HSD17B12: variants seen among roughly 807,000 people sequenced by gnomAD.
The protein encoded by HSD17B12 is hydroxysteroid 17-beta dehydrogenase 12.
HSD17B12 carries 32 observed loss-of-function variants against 39.3 expected under a neutral mutation model. That is an observed-to-expected ratio of 0.81 (90% CI 0.61 to 1.09). The LOEUF (loss-of-function observed/expected upper bound fraction) is 1.09, where lower values mean the gene tolerates loss of function less well. Among genes scored for constraint, HSD17B12 ranks in the 50% least tolerant of loss-of-function variants. HSD17B12 has a pLI of 0.00. For missense variants in HSD17B12, 342 were observed against 382.9 expected (o/e 0.89, Z 0.89); for synonymous variants, 150 against 146.7 (o/e 1.02, Z -0.16).
At chr11:43,680,198 C>T (rs937556857), upstream of HSD17B12, among the ~76,000 whole-genome samples, 3 of 151,768 alleles carry the variant, frequency 2.0e-5, no homozygotes, top group Non-Finnish European at 4.4e-5. Flanking sequence ...CTCAGCCTCC[C>T]GAGTAGCTGA....
At chr11:43,701,756 G>A (rs1949967067) in intron 1 of HSD17B12, among the ~76,000 whole-genome samples, 1 of 152,142 alleles carries the variant, frequency 6.6e-6, no homozygotes, top group Non-Finnish European at 1.5e-5. Flanking sequence ...TTGATGTCAG[G>A]TAATGTGATT....
Position 43,791,308 on chromosome 11 carries a change from G to A in HSD17B12, c.284-7012G>A, listed in dbSNP as rs532580214. On this transcript the variant is annotated intron_variant, in intron 3 of 10. Coordinates refer to ENST00000278353, the MANE Select transcript of HSD17B12 (RefSeq NM_016142.3). ...GCACTTTGGGAGGTCAAGGCAGGCG[G>A]ATCACCTGAGGTCAGGAGTTCGAGA... Among the ~76,000 whole-genome samples, 12 of 152,254 alleles carry A rather than the reference G, an allele frequency of 7.9e-5. No individual in the cohort carries two copies. In the East Asian group the frequency reaches 2.3e-3, roughly 29 times the overall value.
At chr11:43,564,898 CT>C in the HSD17B12 span, among the ~76,000 whole-genome samples, 2,982 of 140,540 alleles carry the variant, frequency 0.021, 88 homozygotes, top group African/African-American at 0.068. Context: ...CTTTCTTCTT[CT>C]TTTTTTTTTT....
chr11:43,646,508 T>C, the HSD17B12 span: 1 of 152,238 alleles, frequency 6.6e-6, no homozygotes, highest in Non-Finnish European at 1.5e-5. Flanking sequence ...TCATTTAGAA[T>C]GAACCACAGC....
Position 43,718,759 on chromosome 11 carries a change from G to T in HSD17B12, c.161-32152G>T, listed in dbSNP as rs1005905999. On this transcript the variant is annotated intron_variant, in intron 1 of 10. Coordinates refer to ENST00000278353, the MANE Select transcript of HSD17B12 (RefSeq NM_016142.3). ...AGGCTTTAAAGGCCAAGAAGGCAGTGTTGAAAGGTGTTCACAGCCACAAAA... is the reference window on the plus strand; with the variant it reads ...AGGCTTTAAAGGCCAAGAAGGCAGTTTTGAAAGGTGTTCACAGCCACAAAA... 45 of 1,260,454 alleles carry T rather than the reference G, an allele frequency of 3.6e-5. No homozygotes were observed. In the African/African-American group the frequency reaches 6.1e-4, roughly 17 times the overall value. The allele number at this position is 1,260,454 out of a possible 1,614,324, so 78.1% of individuals were successfully genotyped here. A position where few individuals can be genotyped will look rare whatever the true frequency, so the allele number is the denominator to read the frequency against.
chr11:43,655,458 G>A, the HSD17B12 span, among the ~76,000 whole-genome samples: 381 of 152,262 alleles, frequency 2.5e-3, no homozygotes, highest in Middle Eastern at 6.8e-3. Flanking sequence ...TAGGAGTGGT[G>A]AGAGAGGGCA....
chr11:43,720,650 T>C (rs1264750395), intron 1 of HSD17B12, among the ~76,000 whole-genome samples: 2 of 152,192 alleles, frequency 1.3e-5, no homozygotes, highest in Non-Finnish European at 2.9e-5. Context: ...ATTCCATCTC[T>C]TGATGGGAGG....
chr11:43,639,030 AAT>A, the HSD17B12 span, among the ~76,000 whole-genome samples: 2 of 152,208 alleles, frequency 1.3e-5, no homozygotes, highest in Non-Finnish European at 2.9e-5. Context: ...CCTGGAGAAA[AAT>A]AAGCCAACAG....
intron 4 of HSD17B12, among the ~76,000 whole-genome samples, chr11:43,810,015 CAT>C (rs1044218175): frequency 5.0e-4 from 76 of 152,182 alleles, no homozygotes; most frequent in African/African-American, 1.8e-3. Flanking sequence ...CATTAGGCAA[CAT>C]ATTTTTAAAC....
rs1396245506 is a variant in HSD17B12 at position 43,690,388 on chromosome 11, ATATATATATATATATATTT to A, written c.160+9403_160+9421del. Among the ~76,000 whole-genome samples the A allele has an allele frequency of 4.7e-3, 55 of 11,794 alleles. 5 individuals carry two copies. Among genetic ancestry groups the A allele is most frequent in the Non-Finnish European group, 6.7e-3 (47 of 7,022 alleles). 7.7% of individuals were successfully genotyped at this position (11,794 alleles called of 152,430 possible). A position where few individuals can be genotyped will look rare whatever the true frequency, so the allele number is the denominator to read the frequency against. On this transcript the variant is annotated intron_variant, in intron 1 of 10. Transcript: ENST00000278353. ...TATATATATATATATATATATATAT[ATATATATATATATATATTT>A]TTTTTTTTTTTTTTCTGAGACAGGG...
At chr11:43,742,615 G>A (rs1950377972) in intron 1 of HSD17B12, among the ~76,000 whole-genome samples, 1 of 151,974 alleles carries the variant, frequency 6.6e-6, no homozygotes, top group Admixed American at 6.6e-5. Context: ...TAGATCTAAA[G>A]GCTTTGTCAT....
At chr11:43,751,540 A>G (rs1281012278) in intron 2 of HSD17B12, among the ~76,000 whole-genome samples, 1 of 152,184 alleles carries the variant, frequency 6.6e-6, no homozygotes, top group Non-Finnish European at 1.5e-5. Flanking sequence ...CCTATGATGA[A>G]GTGATCTGGA....
the HSD17B12 span, among the ~76,000 whole-genome samples, chr11:43,642,783 T>G: frequency 2.6e-5 from 4 of 151,898 alleles, no homozygotes; most frequent in African/African-American, 9.7e-5. Flanking sequence ...ATATAATTTT[T>G]TATATCTTGG....
chr11:43,647,008 A>G, the HSD17B12 span, among the ~76,000 whole-genome samples: 30 of 152,328 alleles, frequency 2.0e-4, no homozygotes, highest in East Asian at 3.3e-3. Context: ...ACTGTTTTCA[A>G]TGAGGCATAA....
intron 1 of HSD17B12, among the ~76,000 whole-genome samples, chr11:43,729,163 A>G (rs908664935): frequency 4.6e-5 from 7 of 152,210 alleles, no homozygotes; most frequent in Non-Finnish European, 8.8e-5. Context: ...GGGCCAGCAA[A>G]TGGCATAGAA....
intron 6 of HSD17B12, among the ~76,000 whole-genome samples, chr11:43,818,950 T>G (rs1404681936): frequency 6.6e-6 from 1 of 152,204 alleles, no homozygotes; most frequent in Non-Finnish European, 1.5e-5. Context: ...TTTTATAATT[T>G]TTGCCTTTTG....
chr11:43,768,110 G>A (rs1950613174), intron 3 of HSD17B12, among the ~76,000 whole-genome samples: 1 of 152,156 alleles, frequency 6.6e-6, no homozygotes, highest in Non-Finnish European at 1.5e-5. Flanking sequence ...TTGACTTCTT[G>A]TGCTGTGTTC....
chr11:43,653,522 G>C, the HSD17B12 span, among the ~76,000 whole-genome samples: 1 of 152,072 alleles, frequency 6.6e-6, no homozygotes, highest in African/African-American at 2.4e-5. Context: ...TTTAGCATTA[G>C]GTATATCTCC....
At position 43,742,545 on chromosome 11, in the gene HSD17B12, T is replaced by C. The variant is rs577774897; in HGVS notation, c.161-8366T>C. Among the ~76,000 whole-genome samples the C allele has an allele frequency of 2.6e-5, 4 of 152,314 alleles. No individual in the cohort carries two copies. The South Asian group carries it at 8.3e-4, about 32-fold the overall frequency. ...AGGACTTTTTCTTTCATAATTGACT[T>C]AAACTTGGGTATGTTTGTATGTTAT... On this transcript the variant is annotated intron_variant, in intron 1 of 10. Coordinates refer to ENST00000278353, the MANE Select transcript of HSD17B12 (RefSeq NM_016142.3).
Sources: allele counts gnomAD v4.1 joint callset (sites outside exome capture counted in the v4.1 genomes callset), GRCh38; gene constraint gnomAD v4.1.1; transcripts MANE v1.5; gene names NCBI Gene and HGNC (gene_info 2026-07-23, HGNC 2026-07-21).